The following PPP4R3B variants were observed in gnomAD, a reference collection of about 807,000 sequenced individuals.
The protein encoded by PPP4R3B is serine/threonine-protein phosphatase 4 regulatory subunit 3B.
PPP4R3B carries 52 observed loss-of-function variants against 95.4 expected under a neutral mutation model. The observed-to-expected ratio is 0.54, with a 90% CI of 0.44 to 0.69. The LOEUF is 0.69. Ranked by LOEUF, PPP4R3B falls within the 30% of genes least tolerant of loss-of-function variation. The probability of loss-of-function intolerance (pLI) is 0.00; values close to 1 mark genes in which losing one functional copy is unlikely to be tolerated. For synonymous variants in PPP4R3B, 407 were observed against 343.9 expected (o/e 1.18, Z -2.03); for missense variants, 1,003 against 1,005.9 (o/e 1.00, Z 0.04).
In PPP4R3B at chr2:55,598,999, A is replaced by T; in HGVS notation, c.338T>A (p.Leu113His). The T allele has an allele frequency of 6.2e-7, 1 of 1,613,972 alleles. No individual in the cohort carries two copies. The highest frequency in any genetic ancestry group is 8.5e-7 in the Non-Finnish European group (1 of 1,179,962). ...TCGTTCTTCTTCAGATTCATCAATG[A>T]GGTCCTGTGTGACTTCCACTGATGG... is the stretch of plus-strand genomic sequence containing the variant. ...KDPSVEVTQDLIDESEEERFE... is the reference protein window; with the variant it reads ...KDPSVEVTQDHIDESEEERFE... Residue 113 changes from leucine (L) to histidine (H), a missense_variant, in exon 4 of 17, where the codon CTC (leucine) becomes CAC (histidine). By Grantham distance (99) the Leu-to-His change is moderately conservative. Coordinates refer to ENST00000616407, the MANE Select transcript of PPP4R3B (RefSeq NM_001122964.3).
intron 2 of PPP4R3B, among the ~76,000 whole-genome samples, chr2:55,610,246 A>G (rs1224540799): frequency 6.6e-6 from 1 of 152,156 alleles, no homozygotes; most frequent in African/African-American, 2.4e-5. Flanking sequence ...AATTATTGCA[A>G]AAGGTCTTGC....
intron 16 of PPP4R3B, among the ~76,000 whole-genome samples, chr2:55,551,214 C>T (rs62165181): frequency 0.44 from 67,040 of 151,758 alleles, 15,782 homozygotes; most frequent in Non-Finnish European, 0.52. Context: ...ATTAGCCTGG[C>T]GTGATGGCAG....
At chr2:55,572,459 A>G (rs544950911) in intron 12 of PPP4R3B, among the ~76,000 whole-genome samples, 2 of 152,290 alleles carry the variant, frequency 1.3e-5, no homozygotes, top group South Asian at 4.1e-4. Flanking sequence ...TAAAAATGCA[A>G]AGTACACTAA....
chr2:55,602,958 C>T (rs907422648), intron 3 of PPP4R3B, among the ~76,000 whole-genome samples: 2 of 146,210 alleles, frequency 1.4e-5, no homozygotes, highest in African/African-American at 5.0e-5. Flanking sequence ...AGGACGAATA[C>T]TCTTTTTTTT....
At chr2:55,590,459 C>A (rs1690854686) in intron 4 of PPP4R3B, among the ~76,000 whole-genome samples, 1 of 151,956 alleles carries the variant, frequency 6.6e-6, no homozygotes, top group Non-Finnish European at 1.5e-5. Flanking sequence ...TCTATATTTT[C>A]TAATTGGTGA....
At chr2:55,560,308 A>T (rs773724221) in intron 15 of PPP4R3B, among the ~76,000 whole-genome samples, 2 of 152,238 alleles carry the variant, frequency 1.3e-5, no homozygotes, top group Non-Finnish European at 2.9e-5. Context: ...CAGGCTGAGG[A>T]GGTCTCAGAT....
chr2:55,574,935 C>CTT (rs70954131), intron 11 of PPP4R3B, among the ~76,000 whole-genome samples: 11 of 99,304 alleles, frequency 1.1e-4, no homozygotes, highest in African/African-American at 1.9e-4. Context: ...TATACAACTT[C>CTT]TTTTTTTTTT....
chr2:55,571,305 G>A (rs1345894104), intron 12 of PPP4R3B, among the ~76,000 whole-genome samples: 1 of 120,016 alleles, frequency 8.3e-6, no homozygotes, highest in East Asian at 2.0e-4. Flanking sequence ...GCAAGACTCT[G>A]TCTCAAAAAA....
chr2:55,581,777 G>T, intron 7 of PPP4R3B, 79 bp from the exon 8 acceptor site: 1 of 1,448,552 alleles, frequency 6.9e-7, no homozygotes. Context: ...CCAACTGAAA[G>T]AGCAAAGTGA....
At chr2:55,606,614 G>A (rs1181657857) in intron 2 of PPP4R3B, among the ~76,000 whole-genome samples, 1 of 152,002 alleles carries the variant, frequency 6.6e-6, no homozygotes, top group Admixed American at 6.6e-5. Context: ...CTGAGGTGAG[G>A]AGTTTGAGAC....
At chr2:55,558,016 A>G (rs1686076431) in intron 16 of PPP4R3B, among the ~76,000 whole-genome samples, 1 of 152,182 alleles carries the variant, frequency 6.6e-6, no homozygotes, top group Non-Finnish European at 1.5e-5. Flanking sequence ...ATTTAGCCTT[A>G]CTACTAATAG....
intron 3 of PPP4R3B, among the ~76,000 whole-genome samples, chr2:55,603,173 G>A (rs1299375464): frequency 2.0e-5 from 3 of 152,082 alleles, no homozygotes; most frequent in African/African-American, 4.8e-5. Context: ...GGGTGGTCTC[G>A]AACTCCTGAT....
chr2:55,549,088 G>T lies in PPP4R3B; in HGVS notation c.*823C>A, dbSNP rs559344569. ...AAGACAGAACTTTACTAACAAAGTA[G>T]AAAGTGATTTCAAAGTATCTTCCAC... is the stretch of plus-strand genomic sequence containing the variant. On this transcript the variant is annotated 3_prime_UTR_variant, in exon 17 of 17. Coordinates refer to ENST00000616407, the MANE Select transcript of PPP4R3B (RefSeq NM_001122964.3). 2.6e-5 allele frequency: 4 copies of T among 152,392 alleles called. No individual in the cohort carries two copies. In the East Asian group the frequency reaches 7.7e-4, roughly 29 times the overall value. 9.4% of individuals were successfully genotyped at this position (152,392 alleles called of 1,614,324 possible).
Position 55,591,620 on chromosome 2 carries a change from C to T in PPP4R3B, c.922-2664G>A, listed in dbSNP as rs756189872. On this transcript the variant is annotated intron_variant, in intron 4 of 16. Transcript: ENST00000616407. ...AAAATATTTTCATAAGAAAAAAGTT[C>T]CAACTCCTTGATAAATGCAATTTCC... The T allele has an allele frequency of 4.1e-6, 4 of 984,334 alleles. No individual in the cohort carries two copies. The African/African-American group carries it at 7.0e-5, about 17-fold the overall frequency. The allele number at this position is 984,334 out of a possible 1,614,324, so 61.0% of individuals were successfully genotyped here. A position where few individuals can be genotyped will look rare whatever the true frequency, so the allele number is the denominator to read the frequency against.
chr2:55,597,643 C>CT (rs1334619229), intron 4 of PPP4R3B, among the ~76,000 whole-genome samples: 1 of 151,190 alleles, frequency 6.6e-6, no homozygotes, highest in Admixed American at 6.6e-5. Context: ...AACAAACAAA[C>CT]AAACAAAACT....
chr2:55,598,815 T>G lies in PPP4R3B; in HGVS notation c.522A>C (p.Lys174Asn), dbSNP rs749095328. Reference sequence around the variant, plus strand: ...CGCAAGCTTGGAACAGCTGCAATAGTTTTTTAATATAGCCTTCATTTTCCA... The same window carrying G: ...CGCAAGCTTGGAACAGCTGCAATAGGTTTTTAATATAGCCTTCATTTTCCA... The part of the protein sequence containing the change: ...LALENEGYIK[K>N]LLQLFQACEN... Residue 174 changes from lysine (K) to asparagine (N), a missense_variant, in exon 4 of 17, where the codon AAA (lysine) becomes AAC (asparagine). By Grantham distance (94) the Lys-to-Asn change is moderately conservative. Coordinates refer to ENST00000616407, the MANE Select transcript of PPP4R3B (RefSeq NM_001122964.3). 13 of 1,614,190 alleles carry G rather than the reference T, an allele frequency of 8.1e-6. No individual in the cohort carries two copies. In the South Asian group the frequency reaches 1.3e-4, roughly 16 times the overall value.
At position 55,607,028 on chromosome 2, in the gene PPP4R3B, C is replaced by T. The variant is rs545868286; in HGVS notation, c.199-2952G>A. Among the ~76,000 whole-genome samples, 6 of 152,166 alleles carry T rather than the reference C, an allele frequency of 3.9e-5. No homozygotes were observed. The South Asian group carries it at 8.3e-4, about 21-fold the overall frequency. ...ATCAACCCCTTTTAAGGCACCTATC[C>T]ATTTTGTTTGAGTTAGGATAGTTTA... On this transcript the variant is annotated intron_variant, in intron 2 of 16. Coordinates refer to ENST00000616407, the MANE Select transcript of PPP4R3B (RefSeq NM_001122964.3).
At chr2:55,602,622 TG>T (rs1692784200) in intron 3 of PPP4R3B, among the ~76,000 whole-genome samples, 1 of 152,192 alleles carries the variant, frequency 6.6e-6, no homozygotes, top group African/African-American at 2.4e-5. Context: ...CACGAAGGTT[TG>T]GGTAAACTTA....
At chr2:55,606,822 C>CA (rs61086185) in intron 2 of PPP4R3B, among the ~76,000 whole-genome samples, 2,279 of 106,884 alleles carry the variant, frequency 0.021, 29 homozygotes, top group Middle Eastern at 0.04. Context: ...GACTTTGCCT[C>CA]AAAAAAAAAA....
Sources: allele counts gnomAD v4.1 joint callset (sites outside exome capture counted in the v4.1 genomes callset), GRCh38; gene constraint gnomAD v4.1.1; transcripts MANE v1.5; gene names NCBI Gene and HGNC (gene_info 2026-07-23, HGNC 2026-07-21).